The following KCNJ18 variants were observed in gnomAD, a reference collection of about 807,000 sequenced individuals.
KCNJ18 encodes the protein inward rectifier potassium channel 18.
KCNJ18 carries 16 observed loss-of-function variants against 17.3 expected under a neutral mutation model. The observed-to-expected ratio is 0.92, with a 90% CI of 0.62 to 1.40. The LOEUF is 1.40. Among genes scored for constraint, KCNJ18 ranks in the 40% most tolerant of loss-of-function variants. The pLI is 0.00. For synonymous variants in KCNJ18, 185 were observed against 262.6 expected (o/e 0.70, Z 2.86); for missense variants, 462 against 626.8 (o/e 0.74, Z 2.81).
At chr17:21,696,559 C>T (rs1905765093) in intron 2 of KCNJ18, among the ~76,000 whole-genome samples, 1 of 152,228 alleles carries the variant, frequency 6.6e-6, no homozygotes, top group African/African-American at 2.4e-5. Context: ...CCCCTCTTTG[C>T]TAGTACCTGC....
intron 2 of KCNJ18, among the ~76,000 whole-genome samples, chr17:21,699,724 C>T (rs1222940883): frequency 1.3e-5 from 2 of 152,422 alleles, no homozygotes; most frequent in East Asian, 3.8e-4. Flanking sequence ...GGTTTCCAAG[C>T]CTGTATGACA....
chr17:21,695,443 A>T (rs1905731835), intron 1 of KCNJ18, among the ~76,000 whole-genome samples: 1 of 145,186 alleles, frequency 6.9e-6, no homozygotes, highest in Non-Finnish European at 1.5e-5. Flanking sequence ...CCTATCCATC[A>T]TCCATCCATC....
Position 21,704,258 on chromosome 17 carries a change from G to C in KCNJ18, c.*170G>C. On this transcript the variant is annotated 3_prime_UTR_variant, in exon 3 of 3. Coordinates refer to ENST00000567955, the MANE Select transcript of KCNJ18 (RefSeq NM_001194958.2). The stretch of plus-strand genomic sequence containing the variant: ...AAGGCCTCAGAAGGTTGGCCGGAGA[G>C]GGGGCAGCCAGAGCGGCAGCCCCCG... 3.5e-6 allele frequency: 3 copies of C among 853,304 alleles called. No individual in the cohort carries two copies. The highest frequency in any genetic ancestry group is 1.8e-6 in the Non-Finnish European group (1 of 570,956). 52.9% of individuals were successfully genotyped at this position (853,304 alleles called of 1,614,324 possible). A position where few individuals can be genotyped will look rare whatever the true frequency, so the allele number is the denominator to read the frequency against.
At chr17:21,699,353 T>A (rs1905863381) in intron 2 of KCNJ18, among the ~76,000 whole-genome samples, 1 of 152,192 alleles carries the variant, frequency 6.6e-6, no homozygotes, top group South Asian at 2.1e-4. Flanking sequence ...GGAGTGTTCT[T>A]GGGACATTGT....
chr17:21,695,173 A>C (rs1281443416), intron 1 of KCNJ18, among the ~76,000 whole-genome samples: 2 of 151,238 alleles, frequency 1.3e-5, no homozygotes, highest in African/African-American at 4.9e-5. Context: ...CCATCCATCT[A>C]TCCAACCATC....
intron 2 of KCNJ18, 114 bp from the exon 3 acceptor site, chr17:21,702,617 T>C (rs1347271531): frequency 5.0e-6 from 4 of 800,652 alleles, no homozygotes; most frequent in South Asian, 1.8e-5. Context: ...CAGAGCATGA[T>C]TGTGGGTCAA....
chr17:21,702,755 TG>T lies in KCNJ18; in HGVS notation c.-27del. ...GGAGCCGCCCTGCCTGGAGCTAGCC[TG>T]GGGGTGAGCCAGGGTCCCCCAACCC... On this transcript the variant is annotated 5_prime_UTR_variant, in exon 3 of 3. Coordinates refer to ENST00000567955, the MANE Select transcript of KCNJ18 (RefSeq NM_001194958.2). The T allele has an allele frequency of 1.9e-6, 3 of 1,554,312 alleles. No individual in the cohort carries two copies. Among genetic ancestry groups the T allele is most frequent in the Middle Eastern group, 1.7e-4 (1 of 6,008 alleles).
chr17:21,698,868 T>C (rs1331405697), intron 2 of KCNJ18, among the ~76,000 whole-genome samples: 81 of 152,374 alleles, frequency 5.3e-4, no homozygotes, highest in African/African-American at 1.7e-3. Flanking sequence ...CCGCGCTCTC[T>C]CCCCACTGCC....
chr17:21,704,355 T>G lies in KCNJ18; in HGVS notation c.*267T>G. 2.2e-6 allele frequency: 1 copy of G among 451,462 alleles called. No individual in the cohort carries two copies. Among genetic ancestry groups the G allele is most frequent in the Non-Finnish European group, 4.0e-6 (1 of 252,860 alleles). 28.0% of individuals were successfully genotyped at this position (451,462 alleles called of 1,614,324 possible). A position where few individuals can be genotyped will look rare whatever the true frequency, so the allele number is the denominator to read the frequency against. ...GGGGCCAGGCCACGGGGGCCAGGGC[T>G]TCTGCCTGAAGATGGAGCTGCAGCC... On this transcript the variant is annotated 3_prime_UTR_variant, in exon 3 of 3. Coordinates refer to ENST00000567955, the MANE Select transcript of KCNJ18 (RefSeq NM_001194958.2).
chr17:21,697,925 C>T (rs1419100286), intron 2 of KCNJ18, among the ~76,000 whole-genome samples: 2 of 152,310 alleles, frequency 1.3e-5, no homozygotes, highest in Non-Finnish European at 2.9e-5. Context: ...GAGCAGGCAC[C>T]TTGGGCGGGG....
chr17:21,704,148 C>G lies in KCNJ18; in HGVS notation c.*60C>G, dbSNP rs1404358803. The G allele has an allele frequency of 4.1e-6, 6 of 1,464,884 alleles. No individual in the cohort carries two copies. The highest frequency in any genetic ancestry group is 2.9e-5 in the African/African-American group (2 of 69,988). 90.7% of individuals were successfully genotyped at this position (1,464,884 alleles called of 1,614,324 possible). A position where few individuals can be genotyped will look rare whatever the true frequency, so the allele number is the denominator to read the frequency against. The stretch of plus-strand genomic sequence containing the variant: ...GCCGGGGAGAGGCCCCGCGGTCGCT[C>G]AGGGGCCCTGGGTTTGAGCAGAACG... On this transcript the variant is annotated 3_prime_UTR_variant, in exon 3 of 3. Transcript: ENST00000567955.
chr17:21,702,070 A>G (rs1472848467), intron 2 of KCNJ18, among the ~76,000 whole-genome samples: 5 of 152,236 alleles, frequency 3.3e-5, no homozygotes, highest in African/African-American at 9.7e-5. Context: ...TGCTGTGGAT[A>G]TAGCAGGGAT....
At chr17:21,699,291 A>G (rs1450127185) in intron 2 of KCNJ18, among the ~76,000 whole-genome samples, 8 of 151,982 alleles carry the variant, frequency 5.3e-5, no homozygotes, top group Non-Finnish European at 1.0e-4. Flanking sequence ...TTAAATTGCG[A>G]CCTTGAAGGC....
At chr17:21,696,420 C>T (rs1461903756) in intron 2 of KCNJ18, among the ~76,000 whole-genome samples, 2 of 152,174 alleles carry the variant, frequency 1.3e-5, no homozygotes, top group African/African-American at 2.4e-5. Flanking sequence ...TCTGTCAACC[C>T]GATTTATCCA....
At chr17:21,701,553 C>G (rs1364132163) in intron 2 of KCNJ18, among the ~76,000 whole-genome samples, 13 of 152,176 alleles carry the variant, frequency 8.5e-5, no homozygotes, top group Admixed American at 8.5e-4. Context: ...TGGTGGGACC[C>G]AGCTTGGGGT....
At position 21,702,941 on chromosome 17, in the gene KCNJ18, A is replaced by T. The variant is rs1906017008; in HGVS notation, c.155A>T (p.Gln52Leu). The T allele has an allele frequency of 8.8e-6, 14 of 1,587,074 alleles. No homozygotes were observed. The highest frequency in any genetic ancestry group is 1.1e-5 in the Non-Finnish European group (13 of 1,168,330). Residue 52 changes from glutamine to leucine, a missense_variant, in exon 3 of 3, where the codon CAG (glutamine) becomes CTG (leucine). Physicochemically the swap from Gln to Leu is moderately radical, Grantham distance 113. Transcript: ENST00000567955. ...CRNRFVKKNG[Q>L]CNIAFANMDE... is the part of the protein sequence containing the mutation. ...AACCGCTTCGTCAAGAAGAATGGCC[A>T]GTGCAACATTGCGTTCGCCAACATG...
At position 21,695,970 on chromosome 17, in the gene KCNJ18, CTT is replaced by C. The variant is rs1318527360; in HGVS notation, c.-178-10_-178-9del. 1 of 152,408 alleles carries C rather than the reference CTT, an allele frequency of 6.6e-6. No individual in the cohort carries two copies. Among genetic ancestry groups the C allele is most frequent in the Non-Finnish European group, 1.5e-5 (1 of 68,146 alleles). 9.4% of individuals were successfully genotyped at this position (152,408 alleles called of 1,614,324 possible). A position where few individuals can be genotyped will look rare whatever the true frequency, so the allele number is the denominator to read the frequency against. ...CCGCCTGCAGTAACTTGGCTTTACT[CTT>C]TTAACTTTAGGATGTTCTAGTGACT... On this transcript the variant is annotated splice_polypyrimidine_tract_variant and intron_variant, in intron 1 of 2. Coordinates refer to ENST00000567955, the MANE Select transcript of KCNJ18 (RefSeq NM_001194958.2).
chr17:21,698,871 C>G (rs1905849777), intron 2 of KCNJ18, among the ~76,000 whole-genome samples: 1 of 152,270 alleles, frequency 6.6e-6, no homozygotes, highest in South Asian at 2.1e-4. Flanking sequence ...CGCTCTCTCC[C>G]CACTGCCTGC....
At chr17:21,702,651 C>A (rs1905999170) in intron 2 of KCNJ18, 80 bp from the exon 3 acceptor site, 1 of 954,832 alleles carries the variant, frequency 1.0e-6, no homozygotes, top group Non-Finnish European at 1.6e-6. Flanking sequence ...GTCCTCCAGT[C>A]ACGTCTGGGG....
Sources: gnomAD v4.1 joint callset for allele counts (sites outside exome capture counted in the v4.1 genomes callset) on GRCh38, gnomAD v4.1.1 for gene constraint, MANE v1.5 for transcripts, NCBI Gene and HGNC (gene_info 2026-07-23, HGNC 2026-07-21) for gene names.